FAM133B: variants seen among roughly 807,000 people sequenced by gnomAD.
FAM133B encodes the protein protein FAM133B.
FAM133B carries 25 observed loss-of-function variants against 46.4 expected under a neutral mutation model. The observed-to-expected ratio is 0.54, with a 90% CI of 0.39 to 0.75. The LOEUF (loss-of-function observed/expected upper bound fraction) is 0.75, where lower values mean the gene tolerates loss of function less well. Among genes scored for constraint, FAM133B ranks in the 30% least tolerant of loss-of-function variants. FAM133B has a pLI of 0.00. For synonymous variants in FAM133B, 75 were observed against 86.0 expected (o/e 0.87, Z 0.71); for missense variants, 205 against 277.6 (o/e 0.74, Z 1.86).
chr7:92,580,694 G>A (rs1794841909), intron 2 of FAM133B, among the ~76,000 whole-genome samples: 1 of 152,188 alleles, frequency 6.6e-6, no homozygotes, highest in Admixed American at 6.5e-5. Context: ...TGAAACTCCA[G>A]TGAGTCCCTA....
intron 1 of FAM133B, among the ~76,000 whole-genome samples, chr7:92,584,740 T>C (rs965162901): frequency 6.6e-6 from 1 of 152,224 alleles, no homozygotes; most frequent in Non-Finnish European, 1.5e-5. Flanking sequence ...TGACAAACAA[T>C]GAAGGCAGAA....
At chr7:92,575,357 C>T (rs770601198) in intron 8 of FAM133B, among the ~76,000 whole-genome samples, 7 of 152,106 alleles carry the variant, frequency 4.6e-5, no homozygotes, top group Non-Finnish European at 7.3e-5. Flanking sequence ...ACCTGTAGTC[C>T]CAGCTACAGG....
intron 10 of FAM133B, among the ~76,000 whole-genome samples, chr7:92,562,796 A>C (rs1385202067): frequency 6.6e-6 from 1 of 152,206 alleles, no homozygotes; most frequent in Non-Finnish European, 1.5e-5. Flanking sequence ...GTTTTAAGTA[A>C]ATAGGTACAC....
chr7:92,584,980 T>C (rs1224477049), intron 1 of FAM133B, among the ~76,000 whole-genome samples: 1 of 151,460 alleles, frequency 6.6e-6, no homozygotes, highest in Admixed American at 6.6e-5. Context: ...TTGTCTCTAC[T>C]AAACAAAACA....
chr7:92,578,676 A>G (rs1009048180), intron 3 of FAM133B, among the ~76,000 whole-genome samples: 6 of 152,210 alleles, frequency 3.9e-5, no homozygotes, highest in Non-Finnish European at 8.8e-5. Context: ...AAAGATGGCT[A>G]GATTCTCCGT....
At chr7:92,585,444 C>A (rs10488518) in intron 1 of FAM133B, 1 of 809,590 alleles carries the variant, frequency 1.2e-6, no homozygotes, top group Non-Finnish European at 1.5e-6. Flanking sequence ...TGTTTATTTC[C>A]AAAGAGTGCA....
chr7:92,566,095 A>G (rs1327656007), intron 9 of FAM133B, 34 bp from the exon 10 acceptor site: 6 of 1,605,932 alleles, frequency 3.7e-6, no homozygotes, highest in Non-Finnish European at 5.1e-6. Flanking sequence ...AGAACAGAAG[A>G]CAAACATGTA....
At position 92,568,026 on chromosome 7, in the gene FAM133B, A is replaced by G. The variant is rs548389741; in HGVS notation, c.609+1797T>C. Among the ~76,000 whole-genome samples the G allele has an allele frequency of 2.6e-5, 4 of 152,298 alleles. No homozygotes were observed. In the South Asian group the frequency reaches 8.3e-4, roughly 32 times the overall value. On this transcript the variant is annotated intron_variant, in intron 9 of 10. Transcript: ENST00000445716. ...TGATCCATCTGCCTTGGCCTCCCAA[A>G]GTGCTGGGATACAGGCGTGAACCAC... is the stretch of plus-strand genomic sequence containing the variant.
At position 92,577,480 on chromosome 7, in the gene FAM133B, T is replaced by A. The variant is rs563730643; in HGVS notation, c.372+175A>T. Reference sequence around the variant, plus strand: ...ATTTTAAAATCTAAAAAATATATTATATACCAATATTTAAGTTCCTAGTTA... The same window carrying A: ...ATTTTAAAATCTAAAAAATATATTAAATACCAATATTTAAGTTCCTAGTTA... On this transcript the variant is annotated intron_variant, in intron 6 of 10. Coordinates refer to ENST00000445716, the MANE Select transcript of FAM133B (RefSeq NM_152789.4). 2.0e-4 allele frequency: 97 copies of A among 480,192 alleles called. No individual in the cohort carries two copies. The South Asian group carries it at 5.1e-3, about 25-fold the overall frequency. 29.7% of individuals were successfully genotyped at this position (480,192 alleles called of 1,614,324 possible).
rs1279453210 is a variant in FAM133B, at chr7:92,560,997, T to A, written c.*1285A>T. 2 of 152,662 alleles carry A rather than the reference T, an allele frequency of 1.3e-5. No individual in the cohort carries two copies. Among genetic ancestry groups the A allele is most frequent in the Non-Finnish European group, 2.9e-5 (2 of 68,044 alleles). 9.5% of individuals were successfully genotyped at this position (152,662 alleles called of 1,614,324 possible). A position where few individuals can be genotyped will look rare whatever the true frequency, so the allele number is the denominator to read the frequency against. On this transcript the variant is annotated 3_prime_UTR_variant, in exon 11 of 11. Transcript: ENST00000445716. ...CTAGTAAACAATTCAGCAGTAGACA[T>A]GAGGCACAAAATCTTAGTAAAATAT... is the stretch of plus-strand genomic sequence containing the variant.
At chr7:92,589,229 C>A (rs987105615) in intron 1 of FAM133B, among the ~76,000 whole-genome samples, 1 of 152,166 alleles carries the variant, frequency 6.6e-6, no homozygotes, top group African/African-American at 2.4e-5. Flanking sequence ...GCAACCTAAG[C>A]TTATTGTTAT....
intron 1 of FAM133B, among the ~76,000 whole-genome samples, chr7:92,584,047 CAAAAA>C (rs765172200): frequency 2.7e-5 from 1 of 36,794 alleles, no homozygotes; most frequent in Non-Finnish European, 5.0e-5. Flanking sequence ...AAGACTGTCT[CAAAAA>C]AAAAAAAAAA....
intron 6 of FAM133B, 121 bp from the exon 7 acceptor site, chr7:92,577,316 TTTC>T (rs1418787605): frequency 4.9e-6 from 3 of 617,572 alleles, no homozygotes; most frequent in East Asian, 3.2e-5. Context: ...TCTATATTTT[TTTC>T]TTAATACTTA....
At chr7:92,580,757 T>A (rs1205345853) in intron 2 of FAM133B, among the ~76,000 whole-genome samples, 3 of 152,252 alleles carry the variant, frequency 2.0e-5, no homozygotes, top group African/African-American at 4.8e-5. Context: ...ACATGTAATA[T>A]ATTTACTTGG....
intron 8 of FAM133B, among the ~76,000 whole-genome samples, chr7:92,571,601 G>T (rs1325225288): frequency 6.6e-6 from 1 of 152,108 alleles, no homozygotes; most frequent in African/African-American, 2.4e-5. Flanking sequence ...TCTCTGAGCT[G>T]TCTGGGATGT....
chr7:92,589,521 G>A (rs1472855400), intron 1 of FAM133B, among the ~76,000 whole-genome samples: 1 of 152,144 alleles, frequency 6.6e-6, no homozygotes, highest in African/African-American at 2.4e-5. Context: ...TAATCTGTAA[G>A]GTTGTAGATA....
Position 92,578,831 on chromosome 7 carries a change from A to G in FAM133B, c.202-438T>C, listed in dbSNP as rs551701110. Among the ~76,000 whole-genome samples the G allele has an allele frequency of 2.0e-5, 3 of 152,220 alleles. No individual in the cohort carries two copies. The South Asian group carries it at 6.2e-4, about 32-fold the overall frequency. ...GAGGCTAAGGTGGGAAGATCGCTTG[A>G]GCTCAGAAGTTGGAGACCAGCCTGG... On this transcript the variant is annotated intron_variant, in intron 3 of 10. Transcript: ENST00000445716.
At chr7:92,579,485 C>T (rs1794802047) in intron 2 of FAM133B, 90 bp from the exon 3 acceptor site, 1 of 816,684 alleles carries the variant, frequency 1.2e-6, no homozygotes, top group Non-Finnish European at 1.9e-6. Context: ...ATAAACTCTT[C>T]TAAATATTCT....
At chr7:92,577,842 T>A (rs1341439495) in intron 5 of FAM133B, 125 bp from the exon 6 acceptor site, 2 of 781,604 alleles carry the variant, frequency 2.6e-6, no homozygotes, top group East Asian at 2.7e-5. Flanking sequence ...TCATAAGTCA[T>A]AAATATGAAA....
Sources: gnomAD v4.1 joint callset for allele counts (sites outside exome capture counted in the v4.1 genomes callset) on GRCh38, gnomAD v4.1.1 for gene constraint, MANE v1.5 for transcripts, NCBI Gene and HGNC (gene_info 2026-07-23, HGNC 2026-07-21) for gene names.